The following CREM variants were observed in gnomAD, a reference collection of about 807,000 sequenced individuals.
CREM encodes cAMP-responsive element modulator.
CREM carries 13 observed loss-of-function variants against 37.3 expected under a neutral mutation model. The ratio of observed to expected loss-of-function variants is 0.35; its 90% CI spans 0.23 to 0.55. The LOEUF (loss-of-function observed/expected upper bound fraction) is 0.55. CREM is among the 20% of genes least tolerant of loss of function. CREM has a pLI of 0.88. For synonymous variants in CREM, 124 were observed against 120.2 expected (o/e 1.03, Z -0.21); for missense variants, 296 against 362.3 (o/e 0.82, Z 1.49).
At chr10:35,141,872 C>G (rs950532003) in intron 2 of CREM, among the ~76,000 whole-genome samples, 2 of 151,936 alleles carry the variant, frequency 1.3e-5, no homozygotes. Flanking sequence ...GAATTGTCAG[C>G]GAATCAGATG....
At chr10:35,168,774 A>G (rs1014739234) in intron 3 of CREM, among the ~76,000 whole-genome samples, 6 of 152,198 alleles carry the variant, frequency 3.9e-5, no homozygotes, top group Admixed American at 3.9e-4. Flanking sequence ...TAATTTTTGT[A>G]CAAGGTGTAA....
At chr10:35,196,865 C>CTTTTTAT (rs2095197869) in intron 6 of CREM, among the ~76,000 whole-genome samples, 1 of 108,942 alleles carries the variant, frequency 9.2e-6, no homozygotes, top group Non-Finnish European at 1.8e-5. Flanking sequence ...ACGCTGTGTA[C>CTTTTTAT]TTTTTTTTTT....
chr10:35,163,105 C>CT (rs574054268), intron 3 of CREM, among the ~76,000 whole-genome samples: 65 of 151,908 alleles, frequency 4.3e-4, no homozygotes, highest in African/African-American at 1.5e-3. Flanking sequence ...ACTCAGGAGG[C>CT]TAAGATGGGA....
intron 3 of CREM, among the ~76,000 whole-genome samples, chr10:35,172,542 A>G (rs2093870461): frequency 6.7e-6 from 1 of 149,874 alleles, no homozygotes; most frequent in Non-Finnish European, 1.5e-5. Context: ...TGTTAGTATT[A>G]ACTGTATTCT....
chr10:35,188,276 A>G lies in CREM; in HGVS notation c.486A>G (p.Thr162=), dbSNP rs1488536688. ...SDGVQGLQAL[T]MTNSGAPPPG... ...GTGTTCAGGGACTGCAGGCATTAACAATGACAAATTCAGGAGCTCCTCCAC... is the reference window on the plus strand; with the variant it reads ...GTGTTCAGGGACTGCAGGCATTAACGATGACAAATTCAGGAGCTCCTCCAC... Residue 162 remains threonine, a synonymous_variant, in exon 6 of 8, where the codon ACA becomes ACG. Coordinates refer to ENST00000685392, the MANE Select transcript of CREM (RefSeq NM_183011.2). 1.9e-6 allele frequency: 3 copies of G among 1,614,214 alleles called. No homozygotes were observed. The highest frequency in any genetic ancestry group is 2.5e-6 in the Non-Finnish European group (3 of 1,180,036).
chr10:35,205,462 T>A (rs947714251), intron 6 of CREM, among the ~76,000 whole-genome samples: 1 of 152,206 alleles, frequency 6.6e-6, no homozygotes, highest in African/African-American at 2.4e-5. Flanking sequence ...GAAACTGCAG[T>A]GAGCTCAATT....
At chr10:35,202,807 C>T (rs1170553709) in intron 6 of CREM, among the ~76,000 whole-genome samples, 1 of 152,172 alleles carries the variant, frequency 6.6e-6, no homozygotes, top group East Asian at 1.9e-4. Context: ...AAAACCCAGT[C>T]ACCTAACATC....
chr10:35,138,215 ATACTTG>A lies in CREM; in HGVS notation c.44+342_44+347del, dbSNP rs367586994. ...TATTCTTCCTCCCGGCCTTTCGGCCATACTTGTACTTAACCTTATAAAACAGAAGAA... is the reference window on the plus strand; with the variant it reads ...TATTCTTCCTCCCGGCCTTTCGGCCATACTTAACCTTATAAAACAGAAGAA... On this transcript the variant is annotated intron_variant, in intron 2 of 7. Coordinates refer to ENST00000685392, the MANE Select transcript of CREM (RefSeq NM_183011.2). Among the ~76,000 whole-genome samples the A allele has an allele frequency of 3.1e-3, 476 of 152,354 alleles. 2 individuals carry two copies. The highest frequency in any genetic ancestry group is 3.1e-3 in the Non-Finnish European group (209 of 68,030).
chr10:35,184,401 A>G (rs2094468213), intron 5 of CREM, among the ~76,000 whole-genome samples: 1 of 152,236 alleles, frequency 6.6e-6, no homozygotes, highest in Non-Finnish European at 1.5e-5. Context: ...AAATCTCTGA[A>G]TACAGACAGG....
chr10:35,202,297 T>C (rs1212075226), intron 6 of CREM, among the ~76,000 whole-genome samples: 1 of 152,250 alleles, frequency 6.6e-6, no homozygotes, highest in African/African-American at 2.4e-5. Flanking sequence ...TCTTATCTGC[T>C]TTAAATTTCC....
chr10:35,134,493 A>G (rs1271172496), intron 1 of CREM, among the ~76,000 whole-genome samples: 1 of 152,194 alleles, frequency 6.6e-6, no homozygotes, highest in Admixed American at 6.5e-5. Flanking sequence ...CTGGGATTAC[A>G]GGGGTGAGCC....
chr10:35,188,323 A>G lies in CREM; in HGVS notation c.533A>G (p.Tyr178Cys). ...APPPGATIVQ[Y>C]AAQSADGTQQ... ...CCACCAGGTGCTACAATTGTACAGT[A>G]CGCAGCACAATCAGCTGATGGCACA... Residue 178 changes from tyrosine to cysteine, a missense_variant, in exon 6 of 8, where the codon TAC becomes TGC. Tyr to Cys is a radical substitution (Grantham distance 194). This residue lies in a region of CREM where 257 missense variants were observed against 280.2 expected (regional missense o/e 0.92). Coordinates refer to ENST00000685392, the MANE Select transcript of CREM (RefSeq NM_183011.2). 3 of 1,614,136 alleles carry G rather than the reference A, an allele frequency of 1.9e-6. No individual in the cohort carries two copies. The highest frequency in any genetic ancestry group is 2.5e-6 in the Non-Finnish European group (3 of 1,180,002).
intron 6 of CREM, among the ~76,000 whole-genome samples, chr10:35,201,151 T>C (rs2095370978): frequency 6.6e-6 from 1 of 152,200 alleles, no homozygotes; most frequent in African/African-American, 2.4e-5. Flanking sequence ...TTTTATAAGT[T>C]TTTAATAGGC....
intron 5 of CREM, among the ~76,000 whole-genome samples, chr10:35,187,098 A>G (rs1179338530): frequency 1.0e-4 from 5 of 50,244 alleles, no homozygotes; most frequent in East Asian, 5.2e-4. Context: ...TATAATATAT[A>G]TGATATATAT....
At chr10:35,175,186 G>A (rs559043204) in intron 3 of CREM, among the ~76,000 whole-genome samples, 1 of 152,176 alleles carries the variant, frequency 6.6e-6, no homozygotes, top group Non-Finnish European at 1.5e-5. Context: ...AGTGGCTCAC[G>A]CCTGTAATCC....
At chr10:35,198,394 G>A (rs1267589805) in intron 6 of CREM, among the ~76,000 whole-genome samples, 4 of 151,834 alleles carry the variant, frequency 2.6e-5, no homozygotes, top group African/African-American at 9.7e-5. Context: ...GTGGTGGCAC[G>A]CGCCTGTAAT....
chr10:35,210,535 C>T (rs1157124061), intron 7 of CREM: 1 of 152,198 alleles, frequency 6.6e-6, no homozygotes, highest in Admixed American at 6.5e-5. Context: ...CCCAGAGTTA[C>T]TCAGTAGCTT....
chr10:35,158,407 G>T, intron 3 of CREM: 1 of 287,202 alleles, frequency 3.5e-6, no homozygotes, highest in Non-Finnish European at 7.0e-6. Context: ...GGGGGCTGAA[G>T]CAGGCCAAAG....
At chr10:35,149,239 G>A (rs1286593071) in intron 3 of CREM, among the ~76,000 whole-genome samples, 1 of 152,186 alleles carries the variant, frequency 6.6e-6, no homozygotes, top group Non-Finnish European at 1.5e-5. Flanking sequence ...TAGGCACAAA[G>A]GATGAGTAGG....
Sources: gnomAD v4.1 joint callset for allele counts (sites outside exome capture counted in the v4.1 genomes callset) on GRCh38, gnomAD v4.1.1 for gene constraint, gnomAD v4.1.1 regional missense constraint, MANE v1.5 for transcripts, NCBI Gene and HGNC (gene_info 2026-07-23, HGNC 2026-07-21) for gene names.